HERC2: variants seen among roughly 807,000 people sequenced by gnomAD.
The protein encoded by HERC2 is E3 ubiquitin-protein ligase HERC2.
In HERC2, 102 loss-of-function variants were observed where a neutral mutation model predicts 537.7. The ratio of observed to expected loss-of-function variants is 0.19; its 90% CI spans 0.16 to 0.22. The LOEUF is 0.22. Ranked by LOEUF, HERC2 falls within the 10% of genes least tolerant of loss-of-function variation. HERC2 has a pLI of 1.00. For synonymous variants in HERC2, 2,224 were observed against 2,466.2 expected (o/e 0.90, Z 2.91); for missense variants, 4,236 against 6,198.2 (o/e 0.68, Z 10.63).
At position 28,270,643 on chromosome 15, in the gene HERC2, C is replaced by T. The variant is rs1234921473; in HGVS notation, c.1257+52G>A. The T allele has an allele frequency of 7.7e-6, 12 of 1,555,798 alleles. No homozygotes were observed. The South Asian group carries it at 1.1e-4, about 14-fold the overall frequency. ...CACACGGGCCCAGGATGAGAACCTA[C>T]AAGTGGTACTAGCTACAAAACACAT... On this transcript the variant is annotated intron_variant, in intron 10 of 92. Coordinates refer to ENST00000261609, the MANE Select transcript of HERC2 (RefSeq NM_004667.6).
At position 28,113,577 on chromosome 15, in the gene HERC2, G is replaced by A. The variant is rs144912188; in HGVS notation, c.14015C>T (p.Thr4672Met). The A allele has an allele frequency of 1.2e-4, 187 of 1,613,718 alleles. No individual in the cohort carries two copies. Among genetic ancestry groups the A allele is most frequent in the Admixed American group, 2.0e-4 (12 of 60,004 alleles). The change falls in exon 91 of 93, where the codon ACG becomes ATG. Residue 4672 changes from threonine (T) to methionine (M), a missense_variant. Transcript: ENST00000261609. The surrounding 1 kb of genome is among the most constrained non-coding windows in gnomAD (Gnocchi z 7.0). ...LSLFTGYELE[T>M]MVCGSPDIPL... ...CCCACCTGGGGGTCGGCATACCATCGTCTCCAGTTCGTAGCCGGTGAACAG... is the reference window on the plus strand; with the variant it reads ...CCCACCTGGGGGTCGGCATACCATCATCTCCAGTTCGTAGCCGGTGAACAG...
At chr15:28,186,897 T>G (rs59027140) in intron 55 of HERC2, 145 bp from the exon 56 acceptor site, 15,600 of 530,516 alleles carry the variant, frequency 0.029, 1,992 homozygotes, top group African/African-American at 0.27. Context: ...ACTGAGTTAC[T>G]CAAAGTTAAT....
chr15:28,244,052 T>G (rs1236003809), intron 23 of HERC2, among the ~76,000 whole-genome samples: 1 of 152,102 alleles, frequency 6.6e-6, no homozygotes, highest in East Asian at 1.9e-4. Context: ...GGCGCATGCT[T>G]GCAGTCCCAC....
intron 2 of HERC2, chr15:28,312,652 A>C (rs1262760242): frequency 5.7e-6 from 1 of 175,854 alleles, no homozygotes; most frequent in Non-Finnish European, 1.1e-5. Context: ...AAAATAAAGA[A>C]AAAGAAAAAA....
chr15:28,262,692 AT>A (rs1454917931), intron 15 of HERC2, among the ~76,000 whole-genome samples: 1 of 137,956 alleles, frequency 7.2e-6, no homozygotes, highest in Admixed American at 7.0e-5. Context: ...TTTAAATTAC[AT>A]TTCAGTCATT....
Position 28,228,205 on chromosome 15 carries a change from G to A in HERC2, c.5464+13C>T, listed in dbSNP as rs770042505. The A allele has an allele frequency of 1.9e-6, 3 of 1,610,774 alleles. No individual in the cohort carries two copies. Among genetic ancestry groups the A allele is most frequent in the Non-Finnish European group, 1.7e-6 (2 of 1,178,046 alleles). Reference sequence around the variant, plus strand: ...ACATTTTCCCAAAGGCGCTCAAGCGGGTGCAGACCTACCAATCAGGCGCAG... The same window carrying A: ...ACATTTTCCCAAAGGCGCTCAAGCGAGTGCAGACCTACCAATCAGGCGCAG... On this transcript the variant is annotated intron_variant, in intron 35 of 92. Coordinates refer to ENST00000261609, the MANE Select transcript of HERC2 (RefSeq NM_004667.6).
At position 28,263,231 on chromosome 15, in the gene HERC2, G is replaced by T. The variant is rs186192173; in HGVS notation, c.1871-62C>A. 4 of 1,545,002 alleles carry T rather than the reference G, an allele frequency of 2.6e-6. No homozygotes were observed. The East Asian group carries it at 6.8e-5, about 26-fold the overall frequency. ...TGCATTTTAACGAAAAATTTTAAAT[G>T]ACTGCAAATAATATAATGAAAAACG... is the stretch of plus-strand genomic sequence containing the variant. On this transcript the variant is annotated intron_variant, in intron 14 of 92. Coordinates refer to ENST00000261609, the MANE Select transcript of HERC2 (RefSeq NM_004667.6).
intron 2 of HERC2, among the ~76,000 whole-genome samples, chr15:28,306,864 T>A (rs78238504): frequency 0.091 from 13,726 of 151,076 alleles, 1 homozygote; most frequent in East Asian, 0.43. Context: ...AGACACAGTC[T>A]CACTCTGTCA....
intron 1 of HERC2, 123 bp from the exon 2 acceptor site, chr15:28,321,587 G>A: frequency 4.4e-6 from 2 of 453,608 alleles, no homozygotes; most frequent in South Asian, 2.7e-5. Flanking sequence ...GCTGGTGGAG[G>A]GGAGAGAAGG....
chr15:28,206,860 A>C (rs1220207198), intron 44 of HERC2, among the ~76,000 whole-genome samples: 1 of 145,106 alleles, frequency 6.9e-6, no homozygotes, highest in African/African-American at 2.6e-5. Flanking sequence ...AAAAAAAAAA[A>C]ATTAACTGGG....
At chr15:28,201,825 T>C (rs532024080) in intron 47 of HERC2, among the ~76,000 whole-genome samples, 2 of 152,316 alleles carry the variant, frequency 1.3e-5, no homozygotes, top group East Asian at 3.9e-4. Flanking sequence ...TGTCAAAACA[T>C]GGTATTTTAA....
chr15:28,136,457 G>A (rs941488322), intron 78 of HERC2, among the ~76,000 whole-genome samples: 4 of 152,242 alleles, frequency 2.6e-5, no homozygotes, highest in Admixed American at 2.6e-4. Flanking sequence ...CAGGGTGCAG[G>A]GTAATGCAGC....
chr15:28,141,379 G>A, intron 78 of HERC2, 53 bp downstream of exon 78: 4 of 1,542,044 alleles, frequency 2.6e-6, no homozygotes, highest in Non-Finnish European at 3.6e-6. Context: ...AGCACCTTTA[G>A]CCACAACTGC....
intron 23 of HERC2, 26 bp downstream of exon 23, chr15:28,245,855 A>G (rs1234041712): frequency 6.3e-7 from 1 of 1,592,736 alleles, no homozygotes; most frequent in Non-Finnish European, 8.6e-7. Flanking sequence ...AACTTTCCTC[A>G]GTAAAACTCC....
At position 28,174,632 on chromosome 15, in the gene HERC2, G is replaced by A. The variant is rs767506249; in HGVS notation, c.9832-12C>T. On this transcript the variant is annotated splice_polypyrimidine_tract_variant and intron_variant, in intron 64 of 92. Transcript: ENST00000261609. Reference sequence around the variant, plus strand: ...CCCCAAGCATACACCTGTTTACGAGGAGAAAAAAGCTTATAATTTTTCAAC... The same window carrying A: ...CCCCAAGCATACACCTGTTTACGAGAAGAAAAAAGCTTATAATTTTTCAAC... 17 of 1,521,094 alleles carry A rather than the reference G, an allele frequency of 1.1e-5. No homozygotes were observed. The highest frequency in any genetic ancestry group is 3.6e-5 in the Admixed American group (2 of 55,718). The allele number at this position is 1,521,094 out of a possible 1,614,324, so 94.2% of individuals were successfully genotyped here. A position where few individuals can be genotyped will look rare whatever the true frequency, so the allele number is the denominator to read the frequency against.
At chr15:28,199,310 C>T (rs1024200685) in intron 48 of HERC2, among the ~76,000 whole-genome samples, 1 of 152,118 alleles carries the variant, frequency 6.6e-6, no homozygotes, top group Non-Finnish European at 1.5e-5. Context: ...AGGGAGCTTT[C>T]AAAGATTACT....
At chr15:28,285,887 C>A (rs2076145309) in intron 4 of HERC2, among the ~76,000 whole-genome samples, 1 of 148,332 alleles carries the variant, frequency 6.7e-6, no homozygotes, top group African/African-American at 2.5e-5. Context: ...TTAGGAATTA[C>A]TAGGAACAAC....
chr15:28,181,343 C>T (rs1478879324), intron 57 of HERC2, among the ~76,000 whole-genome samples: 1 of 152,200 alleles, frequency 6.6e-6, no homozygotes, highest in Non-Finnish European at 1.5e-5. Context: ...GCCCTGCATT[C>T]CCGCAGCTGA....
intron 38 of HERC2, among the ~76,000 whole-genome samples, chr15:28,216,555 C>G (rs1358573946): frequency 6.7e-6 from 1 of 148,814 alleles, no homozygotes; most frequent in Non-Finnish European, 1.5e-5. Flanking sequence ...CCACCTCCCC[C>G]ACCCTGCCCT....
Sources: gnomAD v4.1 joint callset for allele counts (sites outside exome capture counted in the v4.1 genomes callset) on GRCh38, gnomAD v4.1.1 for gene constraint, Gnocchi (gnomAD v3.1) non-coding constraint, MANE v1.5 for transcripts, NCBI Gene and HGNC (gene_info 2026-07-23, HGNC 2026-07-21) for gene names.